ROBO2: variants seen among roughly 807,000 people sequenced by gnomAD.
ROBO2 encodes roundabout guidance receptor 2, also known as roundabout homolog 2.
A neutral mutation model predicts 160.8 loss-of-function variants in ROBO2; 53 were observed. The observed-to-expected ratio is 0.33, with a 90% CI of 0.26 to 0.41. The LOEUF (loss-of-function observed/expected upper bound fraction) is 0.41, where lower values mean the gene tolerates loss of function less well. ROBO2 is among the 10% of genes least tolerant of loss of function. The pLI is 1.00. For missense variants in ROBO2, 1,577 were observed against 1,722.4 expected, an observed-to-expected ratio of 0.92 and a Z score of 1.49; for synonymous variants, 664 against 611.7, an observed-to-expected ratio of 1.09 and a Z score of -1.26.
chr3:77,028,037 C>A (rs1236291574), intron 2 of ROBO2, among the ~76,000 whole-genome samples: 1 of 152,038 alleles, frequency 6.6e-6, no homozygotes, highest in South Asian at 2.1e-4. Flanking sequence ...CTTCCTCACT[C>A]TCCTGCTTTT....
intron 2 of ROBO2, among the ~76,000 whole-genome samples, chr3:76,721,601 G>A (rs1035567669): frequency 1.3e-4 from 20 of 152,212 alleles, no homozygotes; most frequent in Non-Finnish European, 2.6e-4. Context: ...TTCAAAGCTC[G>A]ATTCTGGATC....
chr3:76,866,472 A>G (rs1353546775), intron 2 of ROBO2, among the ~76,000 whole-genome samples: 2 of 152,166 alleles, frequency 1.3e-5, no homozygotes, highest in Non-Finnish European at 2.9e-5. Flanking sequence ...AAATATTGTT[A>G]TTGACAAACT....
intron 2 of ROBO2, among the ~76,000 whole-genome samples, chr3:76,680,371 AAAAC>A (rs1258142252): frequency 4.6e-5 from 7 of 151,706 alleles, no homozygotes; most frequent in South Asian, 2.1e-4. Context: ...AAAAAAAAAA[AAAAC>A]GGCGAACAAA....
chr3:76,142,360 TG>T (rs2071703476), intron 2 of ROBO2, among the ~76,000 whole-genome samples: 1 of 152,070 alleles, frequency 6.6e-6, no homozygotes, highest in Non-Finnish European at 1.5e-5. Flanking sequence ...AAGAGATATC[TG>T]CACTCCTACG....
chr3:76,313,785 G>A (rs549955445), intron 2 of ROBO2, among the ~76,000 whole-genome samples: 1 of 151,782 alleles, frequency 6.6e-6, no homozygotes, highest in East Asian at 1.9e-4. Context: ...ATGTGCATTT[G>A]TCTTAATCTG....
intron 2 of ROBO2, among the ~76,000 whole-genome samples, chr3:77,299,330 TAAG>T (rs2062443658): frequency 6.6e-6 from 1 of 152,114 alleles, no homozygotes; most frequent in African/African-American, 2.4e-5. Flanking sequence ...AGTCTGGAGA[TAAG>T]AAGGACTGAA....
At chr3:77,632,458 C>G (rs1477805112) in intron 23 of ROBO2, 1 of 1,519,900 alleles carries the variant, frequency 6.6e-7, no homozygotes, top group Middle Eastern at 1.7e-4. Flanking sequence ...CACTAGACAA[C>G]TACATTTGTT....
chr3:76,787,242 T>C (rs1317759089), intron 2 of ROBO2, among the ~76,000 whole-genome samples: 1 of 151,210 alleles, frequency 6.6e-6, no homozygotes, highest in African/African-American at 2.4e-5. Context: ...ATTTTACTTA[T>C]GGACAGTAAA....
At chr3:76,667,497 G>C (rs1303411813) in intron 2 of ROBO2, among the ~76,000 whole-genome samples, 4 of 152,036 alleles carry the variant, frequency 2.6e-5, no homozygotes, top group African/African-American at 9.7e-5. Context: ...CGCAGTAGTG[G>C]TCAGAAAGAC....
chr3:76,664,554 T>A (rs560007781), intron 2 of ROBO2, among the ~76,000 whole-genome samples: 1 of 152,252 alleles, frequency 6.6e-6, no homozygotes, highest in African/African-American at 2.4e-5. Flanking sequence ...AAAGTAGAGA[T>A]AAATATGCAA....
intron 2 of ROBO2, among the ~76,000 whole-genome samples, chr3:76,606,018 A>T (rs926742260): frequency 6.6e-6 from 1 of 152,132 alleles, no homozygotes; most frequent in African/African-American, 2.4e-5. Flanking sequence ...TTCCAACACA[A>T]TCATTTAACC....
intron 2 of ROBO2, among the ~76,000 whole-genome samples, chr3:76,380,149 C>A (rs1178897666): frequency 4.0e-5 from 6 of 151,852 alleles, no homozygotes; most frequent in Non-Finnish European, 8.8e-5. Flanking sequence ...CACCTGTGTG[C>A]TTTGAAGTCT....
intron 2 of ROBO2, among the ~76,000 whole-genome samples, chr3:77,354,396 G>A (rs2068768532): frequency 1.3e-5 from 2 of 152,010 alleles, no homozygotes; most frequent in Admixed American, 6.6e-5. Flanking sequence ...CCTTTGCCTT[G>A]ATGCACTTGT....
At chr3:76,608,680 G>A (rs746971379) in intron 2 of ROBO2, among the ~76,000 whole-genome samples, 3 of 151,910 alleles carry the variant, frequency 2.0e-5, no homozygotes, top group Non-Finnish European at 4.4e-5. Flanking sequence ...TTCCCAATGT[G>A]TTTTTTTAGA....
intron 2 of ROBO2, among the ~76,000 whole-genome samples, chr3:76,252,774 C>T (rs1477032625): frequency 5.3e-5 from 8 of 151,120 alleles, no homozygotes; most frequent in Non-Finnish European, 1.0e-4. Context: ...CACACACACA[C>T]ACACACACAC....
intron 2 of ROBO2, among the ~76,000 whole-genome samples, chr3:76,813,880 A>G (rs2109027615): frequency 6.6e-6 from 1 of 152,298 alleles, no homozygotes; most frequent in East Asian, 1.9e-4. Flanking sequence ...TGTTTAAAAG[A>G]TAAGTGAGAA....
At chr3:76,839,768 A>G (rs1221999407) in intron 2 of ROBO2, among the ~76,000 whole-genome samples, 1 of 152,200 alleles carries the variant, frequency 6.6e-6, no homozygotes, top group African/African-American at 2.4e-5. Flanking sequence ...AACATTTGGT[A>G]GAATTTAGCA....
chr3:76,535,174 T>C (rs1433486490), intron 2 of ROBO2, among the ~76,000 whole-genome samples: 3 of 151,728 alleles, frequency 2.0e-5, no homozygotes, highest in East Asian at 1.9e-4. Flanking sequence ...GAAGGGGGTA[T>C]TGAGGAGAGG....
At chr3:77,025,730 T>A (rs2062922773) in intron 2 of ROBO2, among the ~76,000 whole-genome samples, 2 of 152,294 alleles carry the variant, frequency 1.3e-5, no homozygotes, top group South Asian at 4.1e-4. Context: ...TGCTGTGGCA[T>A]TTGGGGAATT....
Sources: gnomAD v4.1 joint callset for allele counts (sites outside exome capture counted in the v4.1 genomes callset) on GRCh38, gnomAD v4.1.1 for gene constraint, MANE v1.5 for transcripts, NCBI Gene and HGNC (gene_info 2026-07-23, HGNC 2026-07-21) for gene names.